RAD54L2: variants seen among roughly 807,000 people sequenced by gnomAD.
The protein encoded by RAD54L2 is RAD54 like 2, also known as helicase ARIP4.
A neutral mutation model predicts 138.4 loss-of-function variants in RAD54L2; 27 were observed. That is an observed-to-expected ratio of 0.20 (90% CI 0.14 to 0.27). The LOEUF (loss-of-function observed/expected upper bound fraction) is 0.27, where lower values mean the gene tolerates loss of function less well. RAD54L2 is among the 10% of genes least tolerant of loss of function. RAD54L2 has a pLI of 1.00. For missense variants in RAD54L2, 1,396 were observed against 1,890.2 expected (o/e 0.74, Z 4.85); for synonymous variants, 644 against 723.2 (o/e 0.89, Z 1.76).
chr3:51,602,470 T>C (rs897835475), intron 3 of RAD54L2, among the ~76,000 whole-genome samples: 9 of 152,234 alleles, frequency 5.9e-5, no homozygotes, highest in East Asian at 1.9e-4. Flanking sequence ...ACTATCAGAA[T>C]AGACTTTGTC....
Position 51,659,948 on chromosome 3 carries a change from G to A in RAD54L2, c.3317-78G>A, listed in dbSNP as rs569515334. On this transcript the variant is annotated intron_variant, in intron 21 of 22. Transcript: ENST00000684192. ...ATTGTATAGCTATTTACAAGCCCAC[G>A]GCGCACAGCCTGGAGTTTCCCAGGG... 5.4e-5 allele frequency: 58 copies of A among 1,072,834 alleles called. No homozygotes were observed. In the Admixed American group the frequency reaches 1.0e-3, roughly 19 times the overall value. 66.5% of individuals were successfully genotyped at this position (1,072,834 alleles called of 1,614,324 possible).
intron 3 of RAD54L2, among the ~76,000 whole-genome samples, chr3:51,596,175 A>G (rs925227896): frequency 4.0e-5 from 2 of 50,378 alleles, no homozygotes; most frequent in Admixed American, 4.6e-4. Context: ...TGATCCACCC[A>G]CCTCGGCCTC....
chr3:51,642,819 A>G (rs1368001357), intron 15 of RAD54L2, among the ~76,000 whole-genome samples: 2 of 152,094 alleles, frequency 1.3e-5, no homozygotes, highest in East Asian at 3.9e-4. Flanking sequence ...TGCCCTATGA[A>G]TCAGTGGTGA....
chr3:51,569,212 A>G (rs1171213612), intron 2 of RAD54L2, among the ~76,000 whole-genome samples: 3 of 152,258 alleles, frequency 2.0e-5, no homozygotes, highest in Middle Eastern at 6.8e-3. Flanking sequence ...CTAATTATTT[A>G]TAGAAAAAAA....
chr3:51,552,702 A>C (rs1698869242), intron 2 of RAD54L2, among the ~76,000 whole-genome samples: 1 of 150,338 alleles, frequency 6.7e-6, no homozygotes, highest in Non-Finnish European at 1.5e-5. Flanking sequence ...CTCCTGAGGT[A>C]GCTGGGATTA....
intron 19 of RAD54L2, among the ~76,000 whole-genome samples, chr3:51,651,521 G>A (rs1479342444): frequency 2.6e-5 from 4 of 151,906 alleles, no homozygotes; most frequent in South Asian, 2.1e-4. Flanking sequence ...GATGAACATC[G>A]ATGTGAAAAT....
At chr3:51,547,341 C>T (rs1698723105) in intron 2 of RAD54L2, among the ~76,000 whole-genome samples, 1 of 151,582 alleles carries the variant, frequency 6.6e-6, no homozygotes, top group African/African-American at 2.4e-5. Context: ...GTGCCACTAT[C>T]CTCCAGCCTG....
In RAD54L2 at chr3:51,663,530, G is replaced by C. The variant is rs1701841994; in HGVS notation, c.*110G>C. On this transcript the variant is annotated 3_prime_UTR_variant, in exon 23 of 23. Coordinates refer to ENST00000684192, the MANE Select transcript of RAD54L2 (RefSeq NM_015106.4). ...TAGGACACTTGGCAGGAGGGAAAAG[G>C]AAGAGGACAAAGGAGGGTGGTTGGC... 8.3e-7 allele frequency: 1 copy of C among 1,201,136 alleles called. No individual in the cohort carries two copies. Among genetic ancestry groups the C allele is most frequent in the Non-Finnish European group, 1.1e-6 (1 of 897,698 alleles). 74.4% of individuals were successfully genotyped at this position (1,201,136 alleles called of 1,614,324 possible).
At chr3:51,564,836 T>G (rs1559618550) in intron 2 of RAD54L2, among the ~76,000 whole-genome samples, 1 of 152,134 alleles carries the variant, frequency 6.6e-6, no homozygotes, top group African/African-American at 2.4e-5. Context: ...GGGAAAAAGT[T>G]AAGAGAGAGC....
chr3:51,653,182 G>A (rs572435260), intron 19 of RAD54L2, among the ~76,000 whole-genome samples: 3 of 152,328 alleles, frequency 2.0e-5, no homozygotes, highest in Non-Finnish European at 4.4e-5. Flanking sequence ...TGAAAAAAAT[G>A]TTCATCATCA....
chr3:51,625,541 T>C (rs954696944), intron 3 of RAD54L2, among the ~76,000 whole-genome samples: 3 of 152,048 alleles, frequency 2.0e-5, no homozygotes, highest in Admixed American at 6.6e-5. Flanking sequence ...TGGCTCTAGG[T>C]AAGACCCACC....
intron 3 of RAD54L2, among the ~76,000 whole-genome samples, chr3:51,591,327 A>G (rs1423075408): frequency 6.6e-6 from 1 of 152,182 alleles, no homozygotes. Context: ...CTACTGACTG[A>G]GGAATAGGGT....
At chr3:51,624,232 G>GTTTT (rs747895714) in intron 3 of RAD54L2, among the ~76,000 whole-genome samples, 2 of 130,458 alleles carry the variant, frequency 1.5e-5, no homozygotes, top group African/African-American at 2.8e-5. Flanking sequence ...GGTGTGTGTG[G>GTTTT]TTTTTTTTTT....
chr3:51,594,977 G>GCCTCAGCCT, intron 3 of RAD54L2, among the ~76,000 whole-genome samples: 1 of 140,924 alleles, frequency 7.1e-6, no homozygotes, highest in Non-Finnish European at 1.5e-5. Context: ...CGATTCTCCT[G>GCCTCAGCCT]CCTCAGCCTC....
chr3:51,542,203 G>C (rs1010337375), intron 2 of RAD54L2, among the ~76,000 whole-genome samples: 1 of 152,200 alleles, frequency 6.6e-6, no homozygotes, highest in Non-Finnish European at 1.5e-5. Flanking sequence ...GCCTAATACA[G>C]CCTTCTTTGC....
At chr3:51,619,490 CTT>C (rs201347889) in intron 3 of RAD54L2, among the ~76,000 whole-genome samples, 3 of 144,528 alleles carry the variant, frequency 2.1e-5, no homozygotes, top group African/African-American at 2.5e-5. Context: ...ATGTGTCTCT[CTT>C]TTTTTTTTTT....
chr3:51,569,901 C>G (rs1161036348), intron 2 of RAD54L2, among the ~76,000 whole-genome samples: 1 of 152,028 alleles, frequency 6.6e-6, no homozygotes, highest in Non-Finnish European at 1.5e-5. Context: ...GTGATGTGAT[C>G]ACAATTCACT....
At chr3:51,603,297 G>C (rs899642689) in intron 3 of RAD54L2, among the ~76,000 whole-genome samples, 1 of 152,066 alleles carries the variant, frequency 6.6e-6, no homozygotes, top group African/African-American at 2.4e-5. Context: ...GACAGAGTGA[G>C]ACTTTGTCTC....
At chr3:51,602,961 C>G (rs1310514472) in intron 3 of RAD54L2, among the ~76,000 whole-genome samples, 1 of 151,960 alleles carries the variant, frequency 6.6e-6, no homozygotes, top group Non-Finnish European at 1.5e-5. Context: ...CTCCAAGTAC[C>G]TAGGACTACA....
Sources: gnomAD v4.1 joint callset for allele counts (sites outside exome capture counted in the v4.1 genomes callset) on GRCh38, gnomAD v4.1.1 for gene constraint, MANE v1.5 for transcripts, NCBI Gene and HGNC (gene_info 2026-07-23, HGNC 2026-07-21) for gene names.